HMG20A: variants seen among roughly 807,000 people sequenced by gnomAD.
HMG20A encodes high mobility group 20A.
HMG20A carries 17 observed loss-of-function variants against 43.9 expected under a neutral mutation model. The observed-to-expected ratio is 0.39, with a 90% CI of 0.27 to 0.58. HMG20A has a LOEUF of 0.58. HMG20A is among the 20% of genes least tolerant of loss of function. The pLI, the probability that HMG20A is intolerant of heterozygous loss-of-function variation, is 0.59. For missense variants in HMG20A, 341 were observed against 438.2 expected, an observed-to-expected ratio of 0.78 and a Z score of 1.98; for synonymous variants, 132 against 147.5, an observed-to-expected ratio of 0.89 and a Z score of 0.76.
the HMG20A span, among the ~76,000 whole-genome samples, chr15:77,496,886 C>G: frequency 6.6e-6 from 1 of 152,260 alleles, no homozygotes; most frequent in African/African-American, 2.4e-5. Flanking sequence ...GGTGCCAATT[C>G]ATCCGACACA....
intron 1 of HMG20A, among the ~76,000 whole-genome samples, chr15:77,452,486 A>T (rs2072613183): frequency 1.3e-5 from 2 of 152,204 alleles, no homozygotes; most frequent in Admixed American, 1.3e-4. Flanking sequence ...GATGTGAAGG[A>T]TAAGAAAGTA....
At chr15:77,427,507 G>A (rs2073438664) in intron 1 of HMG20A, among the ~76,000 whole-genome samples, 1 of 152,120 alleles carries the variant, frequency 6.6e-6, no homozygotes, top group Non-Finnish European at 1.5e-5. Flanking sequence ...GATTTTACCA[G>A]CAAAAATATT....
chr15:77,513,732 CTTT>C, the HMG20A span, among the ~76,000 whole-genome samples: 3 of 143,150 alleles, frequency 2.1e-5, no homozygotes, highest in African/African-American at 2.6e-5. Context: ...TCACTACCTC[CTTT>C]TTTTTTTTTT....
chr15:77,485,306 C>T lies in HMG20A; in HGVS notation c.*2343C>T, dbSNP rs1274202295. 1 of 152,648 alleles carries T rather than the reference C, an allele frequency of 6.6e-6. No individual in the cohort carries two copies. Among genetic ancestry groups the T allele is most frequent in the African/African-American group, 2.4e-5 (1 of 41,436 alleles). The allele number at this position is 152,648 out of a possible 1,614,324, so 9.5% of individuals were successfully genotyped here. ...AATACCTAACTCATGTTTCCCAGTA[C>T]ACCTGTAGATATTACTGTACTTTTA... On this transcript the variant is annotated 3_prime_UTR_variant, in exon 10 of 10. Coordinates refer to ENST00000336216, the MANE Select transcript of HMG20A (RefSeq NM_001304504.2).
the HMG20A span, among the ~76,000 whole-genome samples, chr15:77,508,014 A>T: frequency 6.6e-6 from 1 of 152,258 alleles, no homozygotes; most frequent in South Asian, 2.1e-4. Context: ...CTAAAGAAGC[A>T]AGTAGCCCGC....
chr15:77,449,875 A>C (rs1372124729), intron 1 of HMG20A, among the ~76,000 whole-genome samples: 2 of 152,162 alleles, frequency 1.3e-5, no homozygotes, highest in African/African-American at 4.8e-5. Context: ...GTTTTGACAG[A>C]TTTATAATGA....
At chr15:77,444,535 G>C (rs956845996) in intron 1 of HMG20A, among the ~76,000 whole-genome samples, 3 of 152,032 alleles carry the variant, frequency 2.0e-5, no homozygotes, top group Non-Finnish European at 4.4e-5. Flanking sequence ...TTGAAAAAAA[G>C]AAACAATCAG....
chr15:77,506,487 G>C, the HMG20A span, among the ~76,000 whole-genome samples: 2 of 152,156 alleles, frequency 1.3e-5, no homozygotes, highest in East Asian at 1.9e-4. Flanking sequence ...GGAGTGTGCG[G>C]CTGCCCTCTT....
At chr15:77,498,365 A>G in the HMG20A span, among the ~76,000 whole-genome samples, 1 of 152,226 alleles carries the variant, frequency 6.6e-6, no homozygotes, top group Admixed American at 6.5e-5. Flanking sequence ...TCTAGAGCTC[A>G]CGTTGAAAGT....
At chr15:77,480,347 C>T (rs148219454) in intron 9 of HMG20A, among the ~76,000 whole-genome samples, 2 of 151,960 alleles carry the variant, frequency 1.3e-5, no homozygotes, top group East Asian at 1.9e-4. Context: ...GGCACAGTGG[C>T]TCACACCTGT....
At chr15:77,480,719 C>CT (rs138884448) in intron 9 of HMG20A, among the ~76,000 whole-genome samples, 4,817 of 129,004 alleles carry the variant, frequency 0.037, 237 homozygotes, top group African/African-American at 0.12. Context: ...AGTATGTATC[C>CT]TTTTTTTTTT....
the HMG20A span, among the ~76,000 whole-genome samples, chr15:77,517,379 A>T: frequency 6.6e-6 from 1 of 152,052 alleles, no homozygotes; most frequent in Non-Finnish European, 1.5e-5. Context: ...TGCTTGTTGA[A>T]TGGATGGTGA....
chr15:77,482,761 G>A (rs539159748), intron 9 of HMG20A: 3 of 152,054 alleles, frequency 2.0e-5, no homozygotes, highest in Non-Finnish European at 2.9e-5. Context: ...TCATTGAAAT[G>A]TTATGTAAAA....
intron 1 of HMG20A, among the ~76,000 whole-genome samples, chr15:77,441,703 A>G: frequency 6.6e-6 from 1 of 152,150 alleles, no homozygotes; most frequent in East Asian, 1.9e-4. Context: ...TTTTGTCTCC[A>G]AATTTTGAGT....
the HMG20A span, among the ~76,000 whole-genome samples, chr15:77,514,897 G>A: frequency 2.0e-5 from 3 of 152,256 alleles, no homozygotes; most frequent in East Asian, 3.8e-4. Flanking sequence ...GGGATGCAGA[G>A]CAGCAGGCAG....
chr15:77,452,871 A>G (rs1455682920), intron 1 of HMG20A, among the ~76,000 whole-genome samples: 1 of 152,252 alleles, frequency 6.6e-6, no homozygotes, highest in Non-Finnish European at 1.5e-5. Flanking sequence ...TCTAGTATCT[A>G]CAATATAAAA....
At chr15:77,467,328 C>T (rs1218239611) in intron 4 of HMG20A, 21 bp downstream of exon 4, 1 of 1,573,724 alleles carries the variant, frequency 6.4e-7, no homozygotes, top group Non-Finnish European at 8.7e-7. Flanking sequence ...CTATTCCTGA[C>T]TCTTTGTTTG....
At chr15:77,465,604 A>G (rs1235678678) in intron 3 of HMG20A, among the ~76,000 whole-genome samples, 1 of 152,174 alleles carries the variant, frequency 6.6e-6, no homozygotes, top group East Asian at 1.9e-4. Context: ...CGTGTTGACC[A>G]GGCTGGTCTC....
At chr15:77,435,030 TAATATC>T in intron 1 of HMG20A, among the ~76,000 whole-genome samples, 1 of 152,208 alleles carries the variant, frequency 6.6e-6, no homozygotes, top group South Asian at 2.1e-4. Context: ...TCACCAAGCA[TAATATC>T]GAGCAAAAGA....
Sources: allele counts gnomAD v4.1 joint callset (sites outside exome capture counted in the v4.1 genomes callset), GRCh38; gene constraint gnomAD v4.1.1; transcripts MANE v1.5; gene names NCBI Gene and HGNC (gene_info 2026-07-23, HGNC 2026-07-21).